PID1: variants seen among roughly 807,000 people sequenced by gnomAD.
PID1 encodes the protein phosphotyrosine interaction domain containing 1, also known as PTB-containing, cubilin and LRP1-interacting protein.
In PID1, 10 loss-of-function variants were observed where a neutral mutation model predicts 19.1. That is an observed-to-expected ratio of 0.52 (90% CI 0.32 to 0.89). The LOEUF is 0.89. Ranked by LOEUF, PID1 falls within the 40% of genes least tolerant of loss-of-function variation. The pLI is 0.03. For missense variants in PID1, 248 were observed against 285.3 expected, an observed-to-expected ratio of 0.87 and a Z score of 0.94; for synonymous variants, 130 against 116.0, an observed-to-expected ratio of 1.12 and a Z score of -0.78.
intron 2 of PID1, among the ~76,000 whole-genome samples, chr2:229,144,663 A>G (rs974846597): frequency 1.3e-5 from 2 of 152,114 alleles, no homozygotes; most frequent in African/African-American, 2.4e-5. Flanking sequence ...CATCTACCAA[A>G]ACAGAAAGCT....
At chr2:229,078,116 C>T (rs878942382) in intron 2 of PID1, among the ~76,000 whole-genome samples, 2 of 152,184 alleles carry the variant, frequency 1.3e-5, no homozygotes, top group Non-Finnish European at 2.9e-5. Context: ...GGGACCTTCA[C>T]ATCCCTTGTA....
chr2:229,135,935 C>T (rs1689850028), intron 2 of PID1, among the ~76,000 whole-genome samples: 1 of 152,166 alleles, frequency 6.6e-6, no homozygotes, highest in Non-Finnish European at 1.5e-5. Flanking sequence ...TGGCTTCTGA[C>T]AATGTTAGGG....
At chr2:229,051,440 C>T (rs973217997) in intron 2 of PID1, among the ~76,000 whole-genome samples, 1 of 152,124 alleles carries the variant, frequency 6.6e-6, no homozygotes, top group South Asian at 2.1e-4. Context: ...CCGGTACAAG[C>T]GGTTCTTCTG....
intron 1 of PID1, among the ~76,000 whole-genome samples, chr2:229,191,355 C>T (rs1691256899): frequency 6.6e-6 from 1 of 152,162 alleles, no homozygotes; most frequent in Non-Finnish European, 1.5e-5. Flanking sequence ...AAAGAGGGAG[C>T]TTCTAAGGAT....
rs1260521707 is a variant in PID1, at chr2:229,139,053, GAAAGAGAAAGAA to G, written c.177+16753_177+16764del. 6.1e-4 allele frequency among the ~76,000 whole-genome samples: 36 copies of G among 59,344 alleles called. 3 individuals carry two copies. Among genetic ancestry groups the G allele is most frequent in the South Asian group, 1.7e-3 (3 of 1,752 alleles). The allele number at this position is 59,344 out of a possible 152,430, so 38.9% of individuals were successfully genotyped here. The stretch of plus-strand genomic sequence containing the variant: ...AAAGAAAGAAAGAGAAAGAAAGAAA[GAAAGAGAAAGAA>G]AGAAAGAAAGAAAGAAAGAAAGAAA... On this transcript the variant is annotated intron_variant, in intron 2 of 2. Transcript: ENST00000392055.
At chr2:229,128,531 T>C (rs1205506785) in intron 2 of PID1, among the ~76,000 whole-genome samples, 2 of 152,192 alleles carry the variant, frequency 1.3e-5, no homozygotes, top group Admixed American at 6.5e-5. Flanking sequence ...AATTTGAATA[T>C]AGTCGACTTA....
intron 2 of PID1, among the ~76,000 whole-genome samples, chr2:229,041,723 A>C: frequency 6.6e-6 from 1 of 152,206 alleles, no homozygotes; most frequent in East Asian, 1.9e-4. Flanking sequence ...TAAGTGATAA[A>C]GTCATATACA....
chr2:229,034,568 G>A (rs1299956213), intron 2 of PID1, among the ~76,000 whole-genome samples: 2 of 152,032 alleles, frequency 1.3e-5, no homozygotes, highest in Non-Finnish European at 2.9e-5. Flanking sequence ...ATCCTGTCTG[G>A]TTCCTCCTGG....
chr2:229,149,136 G>C lies in PID1; in HGVS notation c.177+6682C>G, dbSNP rs112146512. 2.0e-3 allele frequency among the ~76,000 whole-genome samples: 297 copies of C among 151,836 alleles called. 1 individual carries two copies. The highest frequency in any genetic ancestry group is 7.1e-3 in the African/African-American group (295 of 41,438). ...TCAGAAACTTACTTTGCAAAAGAAA[G>C]TCTGTATAATTGGCATAGGATTCAA... On this transcript the variant is annotated intron_variant, in intron 2 of 2. Transcript: ENST00000392055.
At chr2:229,114,137 C>T (rs371679990) in intron 2 of PID1, among the ~76,000 whole-genome samples, 129 of 147,030 alleles carry the variant, frequency 8.8e-4, no homozygotes, top group Non-Finnish European at 1.4e-3. Flanking sequence ...CTCTCTCTTT[C>T]TCTCTCTCTC....
intron 2 of PID1, among the ~76,000 whole-genome samples, chr2:229,069,937 G>A (rs921680539): frequency 6.6e-6 from 1 of 152,196 alleles, no homozygotes; most frequent in Admixed American, 6.5e-5. Context: ...AAGTCAAGAG[G>A]GGGGAACAAA....
At chr2:229,148,375 A>G (rs145808720) in intron 2 of PID1, among the ~76,000 whole-genome samples, 1 of 152,310 alleles carries the variant, frequency 6.6e-6, no homozygotes, top group Admixed American at 6.5e-5. Flanking sequence ...CACTAAAACA[A>G]TAGATGGAGG....
chr2:229,266,716 C>A (rs1690599785), intron 1 of PID1, among the ~76,000 whole-genome samples: 1 of 152,188 alleles, frequency 6.6e-6, no homozygotes, highest in Non-Finnish European at 1.5e-5. Context: ...GACTCTCTGG[C>A]CTTCAGTTTC....
intron 1 of PID1, among the ~76,000 whole-genome samples, chr2:229,172,606 A>G (rs1690732398): frequency 1.3e-5 from 2 of 152,244 alleles, no homozygotes; most frequent in African/African-American, 4.8e-5. Flanking sequence ...AGTCATATTG[A>G]TTAGGGCCCA....
intron 2 of PID1, among the ~76,000 whole-genome samples, chr2:229,076,883 T>A (rs1255056344): frequency 2.0e-5 from 3 of 152,236 alleles, no homozygotes; most frequent in Non-Finnish European, 4.4e-5. Context: ...TATAAAAGAA[T>A]GATTTATAAA....
intron 1 of PID1, among the ~76,000 whole-genome samples, chr2:229,230,198 T>C (rs1029213653): frequency 6.6e-6 from 1 of 152,216 alleles, no homozygotes; most frequent in Non-Finnish European, 1.5e-5. Flanking sequence ...TCAAGAAGTT[T>C]TTAGCTGTAT....
intron 1 of PID1, among the ~76,000 whole-genome samples, chr2:229,220,229 G>GTAACTTTAAA (rs1414210768): frequency 6.6e-6 from 1 of 152,036 alleles, no homozygotes; most frequent in Non-Finnish European, 1.5e-5. Flanking sequence ...ATGTTGCCCA[G>GTAACTTTAAA]GCTCCCATGA....
chr2:229,063,342 G>A lies in PID1; in HGVS notation c.178-37234C>T, dbSNP rs552472042. ...GTGCTTCCAATTTCATTTGTCTCAA[G>A]ATGTTTTTTCAATTTCTTGTTTAAC... On this transcript the variant is annotated intron_variant, in intron 2 of 2. Transcript: ENST00000392055. Among the ~76,000 whole-genome samples the A allele has an allele frequency of 6.1e-4, 92 of 152,060 alleles. 1 individual carries two copies. Among genetic ancestry groups the A allele is most frequent in the African/African-American group, 2.0e-3 (85 of 41,520 alleles).
At chr2:229,093,537 C>G (rs1048001252) in intron 2 of PID1, among the ~76,000 whole-genome samples, 4 of 152,176 alleles carry the variant, frequency 2.6e-5, no homozygotes, top group African/African-American at 7.2e-5. Context: ...TACACATCTA[C>G]AGAGTTCAGC....
Sources: gnomAD v4.1 joint callset for allele counts (sites outside exome capture counted in the v4.1 genomes callset) on GRCh38, gnomAD v4.1.1 for gene constraint, MANE v1.5 for transcripts, NCBI Gene and HGNC (gene_info 2026-07-23, HGNC 2026-07-21) for gene names.